Variants in WDFY4 observed in about 807,000 individuals in gnomAD.
The protein encoded by WDFY4 is WDFY family member 4, also known as WD repeat- and FYVE domain-containing protein 4.
A neutral mutation model predicts 351.9 loss-of-function variants in WDFY4; 169 were observed. The observed-to-expected ratio is 0.48, with a 90% confidence interval of 0.42 to 0.55. The LOEUF (loss-of-function observed/expected upper bound fraction) is 0.55. Ranked by LOEUF, WDFY4 falls within the 20% of genes least tolerant of loss-of-function variation. The pLI, the probability that WDFY4 is intolerant of heterozygous loss-of-function variation, is 0.00. For synonymous variants in WDFY4, 1,622 were observed against 1,574.6 expected (o/e 1.03, Z -0.71); for missense variants, 3,803 against 3,935.6 (o/e 0.97, Z 0.90).
chr10:48,893,142 T>TA (rs1836898118), intron 44 of WDFY4, among the ~76,000 whole-genome samples: 3 of 152,368 alleles, frequency 2.0e-5, no homozygotes, highest in African/African-American at 7.2e-5. Context: ...TTGCATCCCT[T>TA]GGCTTTGAGA....
chr10:48,828,938 C>CGGGGGG (rs747997061), intron 37 of WDFY4, 42 bp downstream of exon 37: 2 of 105,812 alleles, frequency 1.9e-5, no homozygotes, highest in Non-Finnish European at 3.0e-5. Context: ...GGGGGGGGGG[C>CGGGGGG]GGGGAGGGGG....
chr10:48,743,188 A>G lies in WDFY4; in HGVS notation c.2099A>G (p.Tyr700Cys). The change falls in exon 12 of 62, where the codon TAC (tyrosine) becomes TGC (cysteine). Residue 700 changes from tyrosine to cysteine, a missense_variant. Tyr to Cys is a radical substitution (Grantham distance 194). This residue lies in a region of WDFY4 where 3,054 missense variants were observed against 3,148.6 expected (regional missense o/e 0.97). Coordinates refer to ENST00000325239, the MANE Select transcript of WDFY4 (RefSeq NM_001394531.1). ...AALHWDPVNG[Y>C]FFRRNGLFEK... is the part of the protein sequence containing the mutation. ...CTGCACTGGGACCCTGTCAATGGCT[A>G]CTTCTTCAGGAGGAATGGGCTCTTT... The G allele has an allele frequency of 3.9e-6, 6 of 1,551,624 alleles. No individual in the cohort carries two copies. The highest frequency in any genetic ancestry group is 2.7e-5 in the African/African-American group (2 of 73,118).
intron 47 of WDFY4, among the ~76,000 whole-genome samples, chr10:48,906,367 T>C (rs569449124): frequency 5.9e-5 from 9 of 152,170 alleles, no homozygotes; most frequent in Non-Finnish European, 1.2e-4. Context: ...GTTGCCTCCA[T>C]AACTATATAT....
At chr10:48,776,087 C>T (rs918937769) in intron 15 of WDFY4, among the ~76,000 whole-genome samples, 1 of 152,286 alleles carries the variant, frequency 6.6e-6, no homozygotes, top group African/African-American at 2.4e-5. Context: ...CTTCATGACA[C>T]AGCAGTACGT....
intron 40 of WDFY4, among the ~76,000 whole-genome samples, chr10:48,871,598 C>T (rs948478113): frequency 2.0e-5 from 3 of 152,044 alleles, no homozygotes; most frequent in Non-Finnish European, 4.4e-5. Context: ...GCCTCAGCCT[C>T]CCAAATAGCT....
intron 55 of WDFY4, 113 bp downstream of exon 55, chr10:48,966,786 C>A: frequency 1.5e-6 from 2 of 1,353,618 alleles, no homozygotes; most frequent in Non-Finnish European, 2.0e-6. Context: ...TGGGGACTGA[C>A]TTTGAATGGC....
chr10:48,774,392 C>A (rs1248728947), intron 13 of WDFY4, 66 bp from the exon 14 acceptor site: 1 of 1,512,318 alleles, frequency 6.6e-7, no homozygotes, highest in Non-Finnish European at 9.0e-7. Context: ...CAAGTTGGAG[C>A]CTATAAAAGC....
chr10:48,741,839 G>A (rs11596294), intron 11 of WDFY4, among the ~76,000 whole-genome samples: 49,624 of 151,966 alleles, frequency 0.33, 8,737 homozygotes, highest in Non-Finnish European at 0.39. Flanking sequence ...ACCTCTCTCC[G>A]CAGTCTACTA....
At chr10:48,904,923 G>A (rs1250425461) in intron 47 of WDFY4, among the ~76,000 whole-genome samples, 3 of 152,170 alleles carry the variant, frequency 2.0e-5, no homozygotes, top group African/African-American at 7.2e-5. Context: ...AGCACTAAGG[G>A]TGTCAGCAAA....
At chr10:48,859,275 A>T (rs1219847267) in intron 39 of WDFY4, among the ~76,000 whole-genome samples, 1 of 152,212 alleles carries the variant, frequency 6.6e-6, no homozygotes, top group Non-Finnish European at 1.5e-5. Context: ...AAGCAGTGAA[A>T]GTAGACCTCT....
At chr10:48,838,634 T>C (rs1215800624) in intron 39 of WDFY4, among the ~76,000 whole-genome samples, 1 of 152,230 alleles carries the variant, frequency 6.6e-6, no homozygotes, top group Non-Finnish European at 1.5e-5. Flanking sequence ...TGAATCCCCA[T>C]GTATCTATCC....
chr10:48,967,859 C>T (rs886109812), intron 55 of WDFY4: 8 of 152,328 alleles, frequency 5.3e-5, no homozygotes, highest in African/African-American at 1.9e-4. Context: ...CTTTTTTATC[C>T]TTGAAGTCCA....
chr10:48,969,067 T>G lies in WDFY4; in HGVS notation c.8588T>G (p.Met2863Arg). The change falls in exon 56 of 62, where the codon ATG becomes AGG. Residue 2863 changes from methionine (M) to arginine (R), a missense_variant. By Grantham distance (91) the Met-to-Arg change is moderately conservative. Transcript: ENST00000325239. ...CGCCATACTAACTGGGGTGTAGATATGTACCTCTTTTCTCTAGGCTCAGAG... is the reference window on the plus strand; with the variant it reads ...CGCCATACTAACTGGGGTGTAGATAGGTACCTCTTTTCTCTAGGCTCAGAG... ...LRPSQVTVKD[M>R]YLFSLGSESP... 6.4e-7 allele frequency: 1 copy of G among 1,551,630 alleles called. No homozygotes were observed. Among genetic ancestry groups the G allele is most frequent in the South Asian group, 1.2e-5 (1 of 84,066 alleles).
intron 12 of WDFY4, among the ~76,000 whole-genome samples, chr10:48,757,887 C>T (rs1343835814): frequency 6.6e-6 from 1 of 152,026 alleles, no homozygotes; most frequent in Non-Finnish European, 1.5e-5. Context: ...ACGCCGTTCC[C>T]TCTATCCTTC....
chr10:48,717,559 G>A (rs1304495063), intron 2 of WDFY4, among the ~76,000 whole-genome samples: 1 of 152,130 alleles, frequency 6.6e-6, no homozygotes, highest in East Asian at 1.9e-4. Context: ...TCTTGAATTT[G>A]GGGTGCCTCA....
At chr10:48,909,654 A>C (rs1386743774) in intron 47 of WDFY4, 1 of 152,280 alleles carries the variant, frequency 6.6e-6, no homozygotes, top group African/African-American at 2.4e-5. Flanking sequence ...GGGAGGTGCC[A>C]AGGTCTTTTT....
At position 48,729,453 on chromosome 10, in the gene WDFY4, C is replaced by A. The variant is rs367638233; in HGVS notation, c.993C>A (p.Ser331Arg). ...VLLRYDGLTQ[S>R]EVDPHLEELL... The stretch of plus-strand genomic sequence containing the variant: ...CCAGGTATGATGGGCTGACCCAGAG[C>A]GAAGTGGACCCGCATCTGGAGGAGC... Residue 331 changes from serine (S) to arginine (R), a missense_variant, in exon 8 of 62, where the codon AGC becomes AGA. Coordinates refer to ENST00000325239, the MANE Select transcript of WDFY4 (RefSeq NM_001394531.1). 5.1e-5 allele frequency: 79 copies of A among 1,551,078 alleles called. No homozygotes were observed. The highest frequency in any genetic ancestry group is 6.7e-5 in the Non-Finnish European group (77 of 1,147,006).
chr10:48,975,204 C>A, intron 58 of WDFY4, 163 bp downstream of exon 58: 2 of 894,972 alleles, frequency 2.2e-6, no homozygotes, highest in South Asian at 1.5e-5. Context: ...TTGTAGCACC[C>A]AGGTCTAGCT....
chr10:48,867,328 A>G lies in WDFY4; in HGVS notation c.6727A>G (p.Lys2243Glu). 1 of 1,502,350 alleles carries G rather than the reference A, an allele frequency of 6.7e-7. No homozygotes were observed. The highest frequency in any genetic ancestry group is 8.9e-7 in the Non-Finnish European group (1 of 1,120,962). The allele number at this position is 1,502,350 out of a possible 1,614,324, so 93.1% of individuals were successfully genotyped here. The change falls in exon 40 of 62, where the codon AAA becomes GAA. Residue 2243 changes from lysine (K) to glutamate (E), a missense_variant. This residue lies in a region of WDFY4 where 3,054 missense variants were observed against 3,148.6 expected (regional missense o/e 0.97). Transcript: ENST00000325239. ...RGQELYASLY[K>E]DHVQRRKCGN... ...ACAAGAGCTATATGCATCTTTATAC[A>G]AAGACCATGTGCAAGTAAGAAACAA... is the stretch of plus-strand genomic sequence containing the variant.
Sources: allele counts gnomAD v4.1 joint callset (sites outside exome capture counted in the v4.1 genomes callset), GRCh38; gene constraint gnomAD v4.1.1; regional missense constraint gnomAD v4.1.1; transcripts MANE v1.5; gene names NCBI Gene and HGNC (gene_info 2026-07-23, HGNC 2026-07-21).